The following UBXN2A variants were observed in gnomAD, a reference collection of about 807,000 sequenced individuals.
The protein encoded by UBXN2A is UBX domain protein 2A, also known as UBX domain-containing protein 2A.
In UBXN2A, 28 loss-of-function variants were observed where a neutral mutation model predicts 28.4. The ratio of observed to expected loss-of-function variants is 0.99; its 90% CI spans 0.73 to 1.35. The LOEUF (loss-of-function observed/expected upper bound fraction) is 1.35, where lower values mean the gene tolerates loss of function less well. UBXN2A is among the 40% of genes most tolerant of loss of function. The pLI, the probability that UBXN2A is intolerant of heterozygous loss-of-function variation, is 0.00. For synonymous variants in UBXN2A, 97 were observed against 103.6 expected (o/e 0.94, Z 0.39); for missense variants, 253 against 297.9 (o/e 0.85, Z 1.11).
intron 1 of UBXN2A, among the ~76,000 whole-genome samples, chr2:23,949,354 G>T (rs1339553834): frequency 6.6e-6 from 1 of 151,324 alleles, no homozygotes; most frequent in Admixed American, 6.6e-5. Context: ...GGCGGATCAT[G>T]AGGTCAGGAG....
At chr2:23,935,321 C>T (rs1705490512) in intron 1 of UBXN2A, among the ~76,000 whole-genome samples, 1 of 151,992 alleles carries the variant, frequency 6.6e-6, no homozygotes, top group African/African-American at 2.4e-5. Flanking sequence ...TTGCAAATCA[C>T]ATATCTGATA....
chr2:23,961,179 T>G (rs1471164135), intron 2 of UBXN2A, among the ~76,000 whole-genome samples: 4 of 152,014 alleles, frequency 2.6e-5, no homozygotes, highest in Non-Finnish European at 4.4e-5. Flanking sequence ...CACTGCAACC[T>G]CTGCCTCCCA....
At chr2:23,977,124 C>A in intron 4 of UBXN2A, 49 bp downstream of exon 4, 2 of 1,470,894 alleles carry the variant, frequency 1.4e-6, no homozygotes, top group Non-Finnish European at 1.9e-6. Flanking sequence ...AAAACTTTGG[C>A]AGGCTGTGGC....
Position 23,999,769 on chromosome 2 carries a change from G to C in UBXN2A, c.682G>C (p.Asp228His). 6.2e-7 allele frequency: 1 copy of C among 1,614,142 alleles called. No individual in the cohort carries two copies. Among genetic ancestry groups the C allele is most frequent in the Non-Finnish European group, 8.5e-7 (1 of 1,180,012 alleles). The change falls in exon 7 of 7, where the codon GAT becomes CAT. Residue 228 changes from aspartate (D) to histidine (H), a missense_variant. Coordinates refer to ENST00000309033, the MANE Select transcript of UBXN2A (RefSeq NM_181713.4). ...AGCTCTTCCTGTCCTCAGGTTGCTA[G>C]ATGAGACACTCACACTGGAAGAAGC... ...ATALPVLRLLDETLTLEEADL... is the reference protein window; with the variant it reads ...ATALPVLRLLHETLTLEEADL...
chr2:23,999,631 A>G (rs760149385), intron 6 of UBXN2A, 41 bp from the exon 7 acceptor site: 1 of 1,570,818 alleles, frequency 6.4e-7, no homozygotes, highest in Non-Finnish European at 8.6e-7. Flanking sequence ...GGTAATTCAA[A>G]TTTTCCTAAA....
At chr2:23,983,327 G>A (rs1455667329) in intron 5 of UBXN2A, among the ~76,000 whole-genome samples, 3 of 152,090 alleles carry the variant, frequency 2.0e-5, no homozygotes, top group African/African-American at 7.2e-5. Context: ...CCAACATGGA[G>A]AAACCCCGTC....
intron 1 of UBXN2A, among the ~76,000 whole-genome samples, chr2:23,934,080 G>A (rs1436023768): frequency 6.6e-6 from 1 of 152,032 alleles, no homozygotes; most frequent in East Asian, 1.9e-4. Flanking sequence ...GCTGGGTGTG[G>A]TGGTGCACGC....
At chr2:23,993,618 T>TG (rs1340890952) in intron 6 of UBXN2A, among the ~76,000 whole-genome samples, 1 of 152,170 alleles carries the variant, frequency 6.6e-6, no homozygotes, top group Non-Finnish European at 1.5e-5. Context: ...TTACTTTTTC[T>TG]GTTTTTTACC....
At chr2:23,928,052 T>C (rs1280135145) in intron 1 of UBXN2A, among the ~76,000 whole-genome samples, 1 of 151,686 alleles carries the variant, frequency 6.6e-6, no homozygotes, top group African/African-American at 2.4e-5. Flanking sequence ...GGTGGGCACC[T>C]GTAATCCCAG....
At chr2:23,942,608 G>A (rs1014290588) in intron 1 of UBXN2A, among the ~76,000 whole-genome samples, 2 of 151,412 alleles carry the variant, frequency 1.3e-5, no homozygotes, top group Non-Finnish European at 2.9e-5. Flanking sequence ...TAGTAGAGAT[G>A]GAGTTTCACT....
At chr2:23,965,861 T>C (rs1707138753) in intron 2 of UBXN2A, among the ~76,000 whole-genome samples, 1 of 152,146 alleles carries the variant, frequency 6.6e-6, no homozygotes, top group Non-Finnish European at 1.5e-5. Context: ...TTTCGGAAGG[T>C]TATATATTAT....
intron 4 of UBXN2A, among the ~76,000 whole-genome samples, chr2:23,980,906 C>T (rs1020976504): frequency 1.1e-4 from 16 of 152,110 alleles, no homozygotes; most frequent in African/African-American, 3.9e-4. Context: ...GGATTACAGG[C>T]ATGAGCCACC....
In UBXN2A at chr2:23,999,584, T is replaced by C. The variant is rs568870068; in HGVS notation, c.585-88T>C. On this transcript the variant is annotated intron_variant, in intron 6 of 6. Transcript: ENST00000309033. Reference sequence around the variant, plus strand: ...AGACGCTATCTCTAATAATAACATATCCAGATACTTTTACCAGTTGTTGTT... The same window carrying C: ...AGACGCTATCTCTAATAATAACATACCCAGATACTTTTACCAGTTGTTGTT... 19 of 1,370,030 alleles carry C rather than the reference T, an allele frequency of 1.4e-5. No homozygotes were observed. In the East Asian group the frequency reaches 1.4e-4, roughly 10 times the overall value. The allele number at this position is 1,370,030 out of a possible 1,614,324, so 84.9% of individuals were successfully genotyped here. A position where few individuals can be genotyped will look rare whatever the true frequency, so the allele number is the denominator to read the frequency against.
intron 1 of UBXN2A, among the ~76,000 whole-genome samples, chr2:23,928,100 C>T (rs1034766456): frequency 4.0e-5 from 6 of 150,774 alleles, no homozygotes; most frequent in Admixed American, 6.6e-5. Context: ...CACTTGAACC[C>T]AGAAGATGGA....
intron 1 of UBXN2A, among the ~76,000 whole-genome samples, chr2:23,933,887 T>C (rs1002557065): frequency 1.3e-5 from 2 of 152,012 alleles, no homozygotes; most frequent in African/African-American, 4.8e-5. Context: ...CCATGAAACA[T>C]TTGAGAAACA....
In UBXN2A at chr2:24,000,109, C is replaced by T. The variant is rs1435179734; in HGVS notation, c.*242C>T. 2 of 457,570 alleles carry T rather than the reference C, an allele frequency of 4.4e-6. No individual in the cohort carries two copies. The highest frequency in any genetic ancestry group is 2.0e-5 in the African/African-American group (1 of 50,752). The allele number at this position is 457,570 out of a possible 1,614,324, so 28.3% of individuals were successfully genotyped here. The stretch of plus-strand genomic sequence containing the variant: ...AGAAAAATAGACTTATTTTCAAATA[C>T]CAGTTATCAAGATATATTAAATAGC... On this transcript the variant is annotated 3_prime_UTR_variant, in exon 7 of 7. Coordinates refer to ENST00000309033, the MANE Select transcript of UBXN2A (RefSeq NM_181713.4).
chr2:23,950,401 A>T (rs1482242672), intron 1 of UBXN2A, among the ~76,000 whole-genome samples: 1 of 151,892 alleles, frequency 6.6e-6, no homozygotes, highest in Non-Finnish European at 1.5e-5. Context: ...TTTTTATTTT[A>T]TTATTATTAT....
At chr2:23,996,344 G>C (rs1407837200) in intron 6 of UBXN2A, among the ~76,000 whole-genome samples, 1 of 151,990 alleles carries the variant, frequency 6.6e-6, no homozygotes. Flanking sequence ...TGAGAGTACA[G>C]GCATGAGTCA....
In UBXN2A at chr2:24,000,040, T is replaced by C; in HGVS notation, c.*173T>C. 3.2e-6 allele frequency: 2 copies of C among 617,466 alleles called. No homozygotes were observed. The highest frequency in any genetic ancestry group is 5.5e-6 in the Non-Finnish European group (2 of 364,296). The allele number at this position is 617,466 out of a possible 1,614,324, so 38.2% of individuals were successfully genotyped here. A position where few individuals can be genotyped will look rare whatever the true frequency, so the allele number is the denominator to read the frequency against. On this transcript the variant is annotated 3_prime_UTR_variant, in exon 7 of 7. Transcript: ENST00000309033. ...AAGTACAAGTTAAGAAAGTAGCATA[T>C]GACTGGAAACTATATTCAGTGCACT...
Sources: allele counts gnomAD v4.1 joint callset (sites outside exome capture counted in the v4.1 genomes callset), GRCh38; gene constraint gnomAD v4.1.1; transcripts MANE v1.5; gene names NCBI Gene and HGNC (gene_info 2026-07-23, HGNC 2026-07-21).